Variants in TVP23B observed in about 807,000 individuals in gnomAD.
TVP23B encodes the protein Golgi apparatus membrane protein TVP23 homolog B.
In TVP23B, 10 loss-of-function variants were observed where a neutral mutation model predicts 30.6. The observed-to-expected ratio is 0.33, with a 90% CI of 0.20 to 0.55. The LOEUF is 0.55. Ranked by LOEUF, TVP23B falls within the 20% of genes least tolerant of loss-of-function variation. The pLI, the probability that TVP23B is intolerant of heterozygous loss-of-function variation, is 0.91. For synonymous variants in TVP23B, 67 were observed against 83.1 expected (o/e 0.81, Z 1.06); for missense variants, 153 against 243.2 (o/e 0.63, Z 2.47).
chr17:18,799,778 CAA>C (rs2036129612), intron 5 of TVP23B, among the ~76,000 whole-genome samples: 2 of 151,882 alleles, frequency 1.3e-5, no homozygotes, highest in South Asian at 4.2e-4. Context: ...AATTTTCACA[CAA>C]TATTTATTGA....
intron 1 of TVP23B, among the ~76,000 whole-genome samples, chr17:18,786,230 C>G (rs920382747): frequency 9.9e-5 from 15 of 151,964 alleles, no homozygotes; most frequent in Non-Finnish European, 1.9e-4. Context: ...TTAACTTAAT[C>G]TCATCTGTGA....
intron 1 of TVP23B, among the ~76,000 whole-genome samples, chr17:18,786,959 C>G (rs1247952579): frequency 6.7e-6 from 1 of 149,794 alleles, no homozygotes; most frequent in Non-Finnish European, 1.5e-5. Flanking sequence ...CCTTCCCTGG[C>G]TCCCATTTGC....
intron 5 of TVP23B, among the ~76,000 whole-genome samples, chr17:18,801,949 T>C (rs565280183): frequency 1.2e-4 from 18 of 152,204 alleles, no homozygotes; most frequent in East Asian, 9.7e-4. Context: ...GACCTCGGCA[T>C]GGTGGCTCAT....
intron 1 of TVP23B, chr17:18,781,569 G>A (rs2035808363): frequency 5.8e-6 from 3 of 519,080 alleles, no homozygotes; most frequent in East Asian, 3.3e-5. Flanking sequence ...GCGAGTGGGG[G>A]TCTCTCTTTC....
intron 3 of TVP23B, chr17:18,796,263 G>A (rs2036074302): frequency 6.6e-6 from 1 of 152,120 alleles, no homozygotes; most frequent in Non-Finnish European, 1.5e-5. Context: ...AGTATTTTGA[G>A]GCCGTGCGTG....
intron 5 of TVP23B, among the ~76,000 whole-genome samples, chr17:18,800,356 C>T (rs2036141229): frequency 6.6e-6 from 1 of 152,134 alleles, no homozygotes; most frequent in Non-Finnish European, 1.5e-5. Flanking sequence ...GTTGTTTAGT[C>T]TTTGATCTGT....
At chr17:18,793,968 A>G (rs1036562896) in intron 3 of TVP23B, among the ~76,000 whole-genome samples, 4 of 152,042 alleles carry the variant, frequency 2.6e-5, no homozygotes, top group African/African-American at 7.2e-5. Context: ...TTATTATCAG[A>G]TGAGATATGG....
rs745465681 is a variant in TVP23B, at chr17:18,790,852, A to G, written c.96-44A>G. On this transcript the variant is annotated intron_variant, in intron 2 of 6. Coordinates refer to ENST00000307767, the MANE Select transcript of TVP23B (RefSeq NM_016078.6). ...TTTCTCTACATTTGCTAGTACCTGTAGTAAAATGTAATTGCATTTCTTTCA... is the reference window on the plus strand; with the variant it reads ...TTTCTCTACATTTGCTAGTACCTGTGGTAAAATGTAATTGCATTTCTTTCA... 6.4e-6 allele frequency: 10 copies of G among 1,563,220 alleles called. No homozygotes were observed. The South Asian group carries it at 1.2e-4, about 18-fold the overall frequency.
intron 5 of TVP23B, among the ~76,000 whole-genome samples, chr17:18,800,833 T>A (rs2151851328): frequency 6.6e-6 from 1 of 152,370 alleles, no homozygotes; most frequent in East Asian, 1.9e-4. Flanking sequence ...TTATGTTGGA[T>A]CATTTTTATT....
chr17:18,788,330 C>CA (rs961283447), intron 1 of TVP23B, among the ~76,000 whole-genome samples: 8,247 of 67,116 alleles, frequency 0.12, 952 homozygotes, highest in African/African-American at 0.19. Flanking sequence ...GACTCCATCT[C>CA]AAAAAAAAAA....
At chr17:18,797,050 T>TGG (rs1403784419) in intron 3 of TVP23B, 1 of 159,050 alleles carries the variant, frequency 6.3e-6, no homozygotes, top group African/African-American at 2.4e-5. Context: ...TGTTAGTCAC[T>TGG]GTTGTATTAC....
chr17:18,781,367 T>G, intron 1 of TVP23B, 62 bp downstream of exon 1: 1 of 1,550,784 alleles, frequency 6.4e-7, no homozygotes, highest in Admixed American at 2.0e-5. Flanking sequence ...GCAGGTTCCG[T>G]GGGACTGGAG....
chr17:18,795,188 A>G (rs1410076125), intron 3 of TVP23B, among the ~76,000 whole-genome samples: 1 of 151,440 alleles, frequency 6.6e-6, no homozygotes, highest in African/African-American at 2.4e-5. Context: ...CACCATGCCT[A>G]GCGAATTTTT....
intron 1 of TVP23B, among the ~76,000 whole-genome samples, chr17:18,785,833 C>CAA (rs1242629769): frequency 3.5e-5 from 5 of 143,314 alleles, no homozygotes; most frequent in African/African-American, 1.0e-4. Flanking sequence ...GACCCTGTGT[C>CAA]AAAAAAAAAA....
At chr17:18,800,955 A>G (rs2036156284) in intron 5 of TVP23B, among the ~76,000 whole-genome samples, 1 of 152,192 alleles carries the variant, frequency 6.6e-6, no homozygotes, top group Non-Finnish European at 1.5e-5. Flanking sequence ...ACAGGGGGAT[A>G]AGTTAGGGGA....
At chr17:18,781,347 G>C in intron 1 of TVP23B, 42 bp downstream of exon 1, 1 of 1,565,462 alleles carries the variant, frequency 6.4e-7, no homozygotes, top group Non-Finnish European at 8.6e-7. Context: ...CGGCTCCTGG[G>C]ACTGGCTCTG....
Position 18,805,571 on chromosome 17 carries a change from G to C in TVP23B, c.*4G>C. On this transcript the variant is annotated 3_prime_UTR_variant, in exon 7 of 7. Coordinates refer to ENST00000307767, the MANE Select transcript of TVP23B (RefSeq NM_016078.6). ...TGGAGATGATCAGACTTCCTGAATA[G>C]AGAAAGCTTATGTGCTTTGTTACAT... 1.9e-6 allele frequency: 3 copies of C among 1,606,954 alleles called. No homozygotes were observed. Among genetic ancestry groups the C allele is most frequent in the Non-Finnish European group, 2.5e-6 (3 of 1,177,844 alleles).
intron 3 of TVP23B, among the ~76,000 whole-genome samples, chr17:18,794,012 AAG>A (rs2036038652): frequency 6.6e-6 from 1 of 151,890 alleles, no homozygotes; most frequent in East Asian, 1.9e-4. Flanking sequence ...GGAACAGAAA[AAG>A]GTGATTTTAT....
intron 1 of TVP23B, among the ~76,000 whole-genome samples, chr17:18,787,718 T>G (rs1481017655): frequency 6.6e-6 from 1 of 152,176 alleles, no homozygotes; most frequent in African/African-American, 2.4e-5. Context: ...GTAGTAACAG[T>G]ATTGCTTCAG....
Sources: allele counts gnomAD v4.1 joint callset (sites outside exome capture counted in the v4.1 genomes callset), GRCh38; gene constraint gnomAD v4.1.1; transcripts MANE v1.5; gene names NCBI Gene and HGNC (gene_info 2026-07-23, HGNC 2026-07-21).